PTGER3: variants seen among roughly 807,000 people sequenced by gnomAD.
PTGER3 encodes the protein prostaglandin E receptor 3, also known as prostaglandin E2 receptor EP3 subtype.
In PTGER3, 22 loss-of-function variants were observed where a neutral mutation model predicts 34.7. That is an observed-to-expected ratio of 0.63 (90% confidence interval 0.45 to 0.91). The LOEUF (loss-of-function observed/expected upper bound fraction) is 0.91, where lower values mean the gene tolerates loss of function less well. Ranked by LOEUF, PTGER3 falls within the 40% of genes least tolerant of loss-of-function variation. The probability of loss-of-function intolerance (pLI) is 0.00; values close to 1 mark genes in which losing one functional copy is unlikely to be tolerated. For missense variants in PTGER3, 468 were observed against 519.4 expected (o/e 0.90, Z 0.96); for synonymous variants, 241 against 230.1 (o/e 1.05, Z -0.43).
At chr1:70,886,318 G>T in intron 4 of PTGER3, 1 of 450,326 alleles carries the variant, frequency 2.2e-6, no homozygotes, top group Non-Finnish European at 4.5e-6. Context: ...TGAACTTGCC[G>T]GCCTCCAGAA....
chr1:70,990,090 A>G (rs1002181318), intron 2 of PTGER3, among the ~76,000 whole-genome samples: 5 of 152,016 alleles, frequency 3.3e-5, no homozygotes, highest in Admixed American at 3.3e-4. Flanking sequence ...GTGGTGGCTC[A>G]CGGCTGTAAT....
In PTGER3 at chr1:71,047,437, G is replaced by A. The variant is rs1179439297; in HGVS notation, c.141C>T (p.Cys47=). The part of the protein sequence containing the change: ...LTRPPGSGED[C]GSVSVAFPIT... ...TCGGGAAGGCCACGGACACCGATCCGCAATCCTCGCCAGACCCTGGAGGGC... is the reference window on the plus strand; with the variant it reads ...TCGGGAAGGCCACGGACACCGATCCACAATCCTCGCCAGACCCTGGAGGGC... Residue 47 remains cysteine (C), a synonymous_variant, in exon 1 of 4, where the codon TGC becomes TGT. Transcript: ENST00000306666. 7 of 1,611,210 alleles carry A rather than the reference G, an allele frequency of 4.3e-6. No homozygotes were observed. The highest frequency in any genetic ancestry group is 4.5e-5 in the East Asian group (2 of 44,800).
intron 4 of PTGER3, among the ~76,000 whole-genome samples, chr1:70,926,753 TGTGCCA>T (rs1318509512): frequency 3.9e-5 from 6 of 151,948 alleles, no homozygotes; most frequent in Non-Finnish European, 8.8e-5. Context: ...ATCCCTGTCT[TGTGCCA>T]GTTTTCAAAG....
intron 4 of PTGER3, among the ~76,000 whole-genome samples, chr1:70,910,821 G>T (rs1208098020): frequency 1.2e-4 from 19 of 152,144 alleles, no homozygotes; most frequent in Admixed American, 1.2e-3. Context: ...CATGGCTCAC[G>T]CCTGTAATCC....
rs138355299 is a variant in PTGER3 at position 70,945,042 on chromosome 1, A to C, written c.*23+8721T>G. Among the ~76,000 whole-genome samples the C allele has an allele frequency of 7.1e-3, 1,086 of 152,252 alleles. 13 individuals are homozygous for C. Among genetic ancestry groups the C allele is most frequent in the African/African-American group, 0.025 (1,042 of 41,572 alleles). On this transcript the variant is annotated intron_variant, in intron 4 of 4. Coordinates refer to the PTGER3 transcript ENST00000370931. The stretch of plus-strand genomic sequence containing the variant: ...TCTACTGTAATCTGTTGGGGAGCTT[A>C]AATAACTTGATTAAAGTCCTATAGT...
intron 4 of PTGER3, among the ~76,000 whole-genome samples, chr1:70,882,084 T>C (rs1416854307): frequency 3.9e-5 from 6 of 152,180 alleles, no homozygotes; most frequent in Non-Finnish European, 7.4e-5. Flanking sequence ...TGGTAGGGGT[T>C]GGTAGGGTCA....
rs539701160 is a variant in PTGER3, at chr1:70,981,280, TTC to T, written c.1078-6894_1078-6893del. ...TTTTTCTTTTCTTTTTCCTTTTCTT[TTC>T]TCTCTCTCTCTTCCTTCCTTCCTTC... On this transcript the variant is annotated intron_variant, in intron 2 of 3. Coordinates refer to ENST00000306666, the MANE Select transcript of PTGER3 (RefSeq NM_198719.2). Among the ~76,000 whole-genome samples, 294 of 151,422 alleles carry T rather than the reference TTC, an allele frequency of 1.9e-3. 3 individuals are homozygous for T. Among genetic ancestry groups the T allele is most frequent in the African/African-American group, 5.7e-3 (234 of 41,166 alleles).
chr1:70,995,076 T>C (rs1387551843), intron 2 of PTGER3, among the ~76,000 whole-genome samples: 1 of 152,050 alleles, frequency 6.6e-6, no homozygotes, highest in African/African-American at 2.4e-5. Context: ...AATGAGGTGT[T>C]TATGGATGTA....
intron 4 of PTGER3, among the ~76,000 whole-genome samples, chr1:70,895,973 A>G (rs900348149): frequency 6.6e-6 from 1 of 152,234 alleles, no homozygotes; most frequent in Non-Finnish European, 1.5e-5. Flanking sequence ...GCTGCAGTGC[A>G]TATGTGCATG....
intron 4 of PTGER3, among the ~76,000 whole-genome samples, chr1:70,898,139 C>T (rs1310422558): frequency 6.6e-6 from 1 of 152,116 alleles, no homozygotes. Flanking sequence ...CCATTTGAGC[C>T]TTGTTGCCCA....
intron 4 of PTGER3, among the ~76,000 whole-genome samples, chr1:70,931,830 C>A (rs140896909): frequency 6.6e-6 from 1 of 152,160 alleles, no homozygotes; most frequent in Admixed American, 6.5e-5. Context: ...CTATGACATG[C>A]CCTGGGTACA....
At chr1:70,888,993 A>G (rs578048445) in intron 4 of PTGER3, among the ~76,000 whole-genome samples, 1 of 152,340 alleles carries the variant, frequency 6.6e-6, no homozygotes, top group South Asian at 2.1e-4. Context: ...AAAGCACGTA[A>G]GAACAGCTGA....
intron 4 of PTGER3, among the ~76,000 whole-genome samples, chr1:70,914,904 T>C (rs185892337): frequency 1.6e-3 from 241 of 151,920 alleles, no homozygotes; most frequent in Admixed American, 6.6e-3. Context: ...AGGAGACCTG[T>C]GTTTAAGGCC....
At chr1:70,909,121 A>G (rs1213667834) in intron 4 of PTGER3, among the ~76,000 whole-genome samples, 1 of 152,330 alleles carries the variant, frequency 6.6e-6, no homozygotes, top group Non-Finnish European at 1.5e-5. Flanking sequence ...AAATTATGGG[A>G]TGTCATATAA....
intron 1 of PTGER3, among the ~76,000 whole-genome samples, chr1:71,045,946 A>G (rs1052124586): frequency 3.3e-5 from 5 of 151,398 alleles, no homozygotes; most frequent in Non-Finnish European, 5.9e-5. Flanking sequence ...CTGTGACTGT[A>G]TGGGGTTGCA....
intron 4 of PTGER3, among the ~76,000 whole-genome samples, chr1:70,896,382 C>G (rs1300869716): frequency 1.3e-5 from 2 of 152,144 alleles, no homozygotes; most frequent in Non-Finnish European, 2.9e-5. Flanking sequence ...TGTGAACACA[C>G]AGGGATAATG....
At chr1:70,920,098 G>C (rs1647383930) in intron 4 of PTGER3, among the ~76,000 whole-genome samples, 1 of 152,150 alleles carries the variant, frequency 6.6e-6, no homozygotes, top group Non-Finnish European at 1.5e-5. Context: ...AATGCTGACA[G>C]TTGTCTCAAT....
At chr1:70,857,242 T>A (rs1218970914) in intron 4 of PTGER3, among the ~76,000 whole-genome samples, 1 of 152,178 alleles carries the variant, frequency 6.6e-6, no homozygotes, top group Non-Finnish European at 1.5e-5. Context: ...TTCTCTTAAT[T>A]TTCATTAATC....
At chr1:70,947,159 C>T (rs1202644980) in intron 4 of PTGER3, among the ~76,000 whole-genome samples, 1 of 152,118 alleles carries the variant, frequency 6.6e-6, no homozygotes, top group African/African-American at 2.4e-5. Flanking sequence ...ATGGTAACTT[C>T]TGTGGATATA....
Sources: allele counts gnomAD v4.1 joint callset (sites outside exome capture counted in the v4.1 genomes callset), GRCh38; gene constraint gnomAD v4.1.1; transcripts MANE v1.5; gene names NCBI Gene and HGNC (gene_info 2026-07-23, HGNC 2026-07-21).